The following IQSEC3 variants were observed in gnomAD, a reference collection of about 807,000 sequenced individuals.
IQSEC3 encodes the protein IQ motif and SEC7 domain-containing protein 3.
In IQSEC3, 50 loss-of-function variants were observed where a neutral mutation model predicts 105.4. The observed-to-expected ratio is 0.47, with a 90% CI of 0.38 to 0.60. IQSEC3 has a LOEUF of 0.60. Ranked by LOEUF, IQSEC3 falls within the 20% of genes least tolerant of loss-of-function variation. IQSEC3 has a pLI of 0.00. For missense variants in IQSEC3, 1,415 were observed against 1,630.0 expected (o/e 0.87, Z 2.27); for synonymous variants, 708 against 746.0 (o/e 0.95, Z 0.83).
At chr12:95,164 C>G (rs571926285) in intron 1 of IQSEC3, among the ~76,000 whole-genome samples, 11 of 152,198 alleles carry the variant, frequency 7.2e-5, no homozygotes, top group African/African-American at 2.7e-4. Context: ...GAACCTCGGG[C>G]TGGAAGACTG....
rs1182482442 is a variant in IQSEC3 at position 126,994 on chromosome 12, A to G, written c.903+1082A>G. Reference sequence around the variant, plus strand: ...ATCCCCCAAGATACCCTATGTGCACATGCCAGGAATGTGTGGATTACTAAC... The same window carrying G: ...ATCCCCCAAGATACCCTATGTGCACGTGCCAGGAATGTGTGGATTACTAAC... On this transcript the variant is annotated intron_variant, in intron 3 of 13. Transcript: ENST00000538872. Among the ~76,000 whole-genome samples, 4 of 152,246 alleles carry G rather than the reference A, an allele frequency of 2.6e-5. No individual in the cohort carries two copies. The East Asian group carries it at 7.7e-4, about 29-fold the overall frequency.
At chr12:71,925 T>C (rs1252491932) in intron 1 of IQSEC3, among the ~76,000 whole-genome samples, 2 of 152,292 alleles carry the variant, frequency 1.3e-5, no homozygotes, top group Non-Finnish European at 2.9e-5. Flanking sequence ...TATTCATAGC[T>C]AGAAGCTGGC....
chr12:90,027 T>C lies in IQSEC3; in HGVS notation c.555-9119T>C, dbSNP rs1231844981. 2.6e-5 allele frequency among the ~76,000 whole-genome samples: 4 copies of C among 152,280 alleles called. No homozygotes were observed. The South Asian group carries it at 8.3e-4, about 32-fold the overall frequency. On this transcript the variant is annotated intron_variant, in intron 1 of 13. Coordinates refer to ENST00000538872, the MANE Select transcript of IQSEC3 (RefSeq NM_001170738.2). ...TTCCAAAGTGTGGCACTATTTTGCA[T>C]TCCTTTCAGAGGTGTATGAGAGTTC...
chr12:151,718 G>T (rs1409666641), intron 5 of IQSEC3, among the ~76,000 whole-genome samples: 1 of 152,094 alleles, frequency 6.6e-6, no homozygotes, highest in African/African-American at 2.4e-5. Context: ...CCTGGCTGCT[G>T]CCCCACAGTC....
chr12:125,801 C>T lies in IQSEC3; in HGVS notation c.792C>T (p.Pro264=), dbSNP rs1399058349. The T allele has an allele frequency of 3.3e-6, 5 of 1,524,844 alleles. No homozygotes were observed. Among genetic ancestry groups the T allele is most frequent in the African/African-American group, 2.8e-5 (2 of 72,204 alleles). 94.5% of individuals were successfully genotyped at this position (1,524,844 alleles called of 1,614,324 possible). ...GAGAASPRAG[P]QHKASPGRQQ... is the part of the protein sequence containing the mutation. ...GGGCTGCCTCCCCAAGGGCTGGCCC[C>T]CAGCACAAGGCCTCCCCCGGCCGGC... Residue 264 remains proline (P), a synonymous_variant, in exon 3 of 14, where the codon CCC becomes CCT. Transcript: ENST00000538872.
Position 152,703 on chromosome 12 carries a change from A to C in IQSEC3, c.2154-4322A>C, listed in dbSNP as rs561203414. Among the ~76,000 whole-genome samples, 121 of 152,066 alleles carry C rather than the reference A, an allele frequency of 8.0e-4. No homozygotes were observed. Among genetic ancestry groups the C allele is most frequent in the Non-Finnish European group, 2.8e-4 (19 of 67,956 alleles). On this transcript the variant is annotated intron_variant, in intron 5 of 13. Coordinates refer to ENST00000538872, the MANE Select transcript of IQSEC3 (RefSeq NM_001170738.2). This position sits in a 1 kb window ranked among gnomAD's most constrained non-coding sequence, Gnocchi z 4.8. ...GAGTAAGGGACCTCCCTGCCACCCCACACACACACAGGAGTGAAGAGAAGA... is the reference window on the plus strand; with the variant it reads ...GAGTAAGGGACCTCCCTGCCACCCCCCACACACACAGGAGTGAAGAGAAGA...
intron 3 of IQSEC3, among the ~76,000 whole-genome samples, chr12:136,349 G>A (rs1429481139): frequency 3.9e-5 from 6 of 152,180 alleles, no homozygotes; most frequent in Non-Finnish European, 7.3e-5. Context: ...TGGGGATTGG[G>A]GTTGAATCCA....
chr12:154,438 C>A (rs572097356), intron 5 of IQSEC3, among the ~76,000 whole-genome samples: 47 of 152,198 alleles, frequency 3.1e-4, no homozygotes, highest in Non-Finnish European at 4.9e-4. Flanking sequence ...CTGGGAGGAA[C>A]GTGGATGTGG....
chr12:156,681 A>G (rs968425276), intron 5 of IQSEC3, among the ~76,000 whole-genome samples: 2 of 152,210 alleles, frequency 1.3e-5, no homozygotes, highest in African/African-American at 4.8e-5. Flanking sequence ...AGAAGAATCA[A>G]TATGTTTACT....
At chr12:107,170 T>G (rs1373976725) in intron 2 of IQSEC3, among the ~76,000 whole-genome samples, 1 of 152,170 alleles carries the variant, frequency 6.6e-6, no homozygotes, top group African/African-American at 2.4e-5. Context: ...TGGCTCCCAT[T>G]GTCTGAATCA....
chr12:160,237 T>C (rs1257104116), intron 7 of IQSEC3, among the ~76,000 whole-genome samples: 1 of 152,144 alleles, frequency 6.6e-6, no homozygotes, highest in Non-Finnish European at 1.5e-5. Flanking sequence ...ATGCAGTTGA[T>C]GAAATCTGGT....
intron 1 of IQSEC3, among the ~76,000 whole-genome samples, chr12:69,974 G>T (rs148541673): frequency 6.6e-6 from 1 of 152,258 alleles, no homozygotes; most frequent in Non-Finnish European, 1.5e-5. Context: ...CCCCCTCCCT[G>T]GTATTGCTCC....
chr12:71,340 C>G (rs1439347818), intron 1 of IQSEC3, among the ~76,000 whole-genome samples: 3 of 152,290 alleles, frequency 2.0e-5, no homozygotes, highest in Non-Finnish European at 4.4e-5. Context: ...ATTCAAAACC[C>G]TGCACTCAGT....
At chr12:97,425 A>G (rs529068433) in intron 1 of IQSEC3, among the ~76,000 whole-genome samples, 3 of 152,294 alleles carry the variant, frequency 2.0e-5, no homozygotes, top group African/African-American at 7.2e-5. Flanking sequence ...AATCTCCTCA[A>G]CACATAAGCT....
intron 1 of IQSEC3, among the ~76,000 whole-genome samples, chr12:89,063 G>A (rs937728652): frequency 2.0e-5 from 3 of 152,158 alleles, no homozygotes; most frequent in Admixed American, 6.5e-5. Context: ...TCCCAAAGGT[G>A]AGCATAGAGT....
chr12:146,629 G>A (rs950996277), intron 5 of IQSEC3, among the ~76,000 whole-genome samples: 1 of 151,742 alleles, frequency 6.6e-6, no homozygotes, highest in African/African-American at 2.4e-5. Flanking sequence ...CTGGAAGCCT[G>A]GACAACAGAG....
chr12:125,991 T>C, intron 3 of IQSEC3, 79 bp downstream of exon 3: 1 of 1,380,142 alleles, frequency 7.2e-7, no homozygotes, highest in East Asian at 2.6e-5. Flanking sequence ...ACCAGGGATA[T>C]CCCCGCTGGG....
At position 163,502 on chromosome 12, in the gene IQSEC3, C is replaced by T. The variant is rs781785397; in HGVS notation, c.2592C>T (p.Ser864=). The part of the protein sequence containing the change: ...KSIVGMKTVL[S]VPHRRLVCCS... ...GCCCTGCCCGCGTGCAGGTGCTGTC[C>T]GTGCCCCACCGCCGCCTGGTGTGCT... Residue 864 remains serine (S), a synonymous_variant, in exon 9 of 14, where the codon TCC becomes TCT. Transcript: ENST00000538872. 1.4e-5 allele frequency: 23 copies of T among 1,608,108 alleles called. No individual in the cohort carries two copies. The highest frequency in any genetic ancestry group is 2.0e-5 in the Non-Finnish European group (23 of 1,177,542).
chr12:163,988 C>T (rs3817016), intron 9 of IQSEC3, among the ~76,000 whole-genome samples: 48,079 of 152,140 alleles, frequency 0.32, 8,288 homozygotes, highest in Admixed American at 0.44. Flanking sequence ...AGGGCCTAGG[C>T]GGAGCATGCT....
Sources: gnomAD v4.1 joint callset for allele counts (sites outside exome capture counted in the v4.1 genomes callset) on GRCh38, gnomAD v4.1.1 for gene constraint, Gnocchi (gnomAD v3.1) non-coding constraint, MANE v1.5 for transcripts, NCBI Gene and HGNC (gene_info 2026-07-23, HGNC 2026-07-21) for gene names.